Variants in ACTR3C observed in about 807,000 individuals in gnomAD.
ACTR3C encodes the protein actin-related protein 3C.
Under a neutral mutation model 26.3 loss-of-function variants are expected in ACTR3C, and 18 were observed. The ratio of observed to expected loss-of-function variants is 0.68; its 90% CI spans 0.47 to 1.01. The LOEUF (loss-of-function observed/expected upper bound fraction) is 1.01, where lower values mean the gene tolerates loss of function less well. Ranked by LOEUF, ACTR3C falls within the 50% of genes least tolerant of loss-of-function variation. The pLI is 0.00. For missense variants in ACTR3C, 184 were observed against 250.7 expected, an observed-to-expected ratio of 0.73 and a Z score of 1.80; for synonymous variants, 55 against 94.5, an observed-to-expected ratio of 0.58 and a Z score of 2.42.
chr7:150,234,834 G>T, the ACTR3C span, among the ~76,000 whole-genome samples: 2 of 152,162 alleles, frequency 1.3e-5, no homozygotes, highest in Admixed American at 6.5e-5. Context: ...GTTAAAGCCA[G>T]ATGTCTCTTA....
At chr7:149,969,966 G>C in the ACTR3C span, among the ~76,000 whole-genome samples, 1 of 152,240 alleles carries the variant, frequency 6.6e-6, no homozygotes, top group East Asian at 1.9e-4. Flanking sequence ...AAGAGCAAAA[G>C]AGACTTTGAA....
chr7:150,283,913 A>G (rs2689581), intron 6 of ACTR3C, among the ~76,000 whole-genome samples: 29,999 of 144,772 alleles, frequency 0.21, 5,078 homozygotes, highest in African/African-American at 0.47. Context: ...TCACCATCTC[A>G]GGCTGTCAGT....
the ACTR3C span, among the ~76,000 whole-genome samples, chr7:149,961,148 G>A: frequency 6.6e-6 from 1 of 152,050 alleles, no homozygotes; most frequent in East Asian, 1.9e-4. Flanking sequence ...GATAGGAAGT[G>A]TGTGCTCAGA....
At chr7:150,084,469 G>C in the ACTR3C span, among the ~76,000 whole-genome samples, 3 of 152,136 alleles carry the variant, frequency 2.0e-5, no homozygotes, top group Non-Finnish European at 4.4e-5. Flanking sequence ...TTGTGTGGCG[G>C]GGGGAGAGAG....
At chr7:150,139,570 C>G in the ACTR3C span, among the ~76,000 whole-genome samples, 4 of 152,276 alleles carry the variant, frequency 2.6e-5, no homozygotes, top group East Asian at 1.9e-4. Context: ...CTCACCTTCC[C>G]GGATCATCTC....
the ACTR3C span, among the ~76,000 whole-genome samples, chr7:149,978,137 G>A: frequency 2.5e-4 from 38 of 152,148 alleles, no homozygotes; most frequent in African/African-American, 9.2e-4. Context: ...CCCTTCAGAT[G>A]TGCTTCTCCT....
chr7:150,034,151 G>A, the ACTR3C span, among the ~76,000 whole-genome samples: 1 of 151,936 alleles, frequency 6.6e-6, no homozygotes, highest in South Asian at 2.1e-4. Context: ...ACAAAATAGG[G>A]GGCCTTTATG....
At chr7:150,248,860 A>G in intron 7 of ACTR3C, 88 bp downstream of exon 7, 1 of 438,958 alleles carries the variant, frequency 2.3e-6, no homozygotes, top group Non-Finnish European at 4.0e-6. Context: ...TCAATAAGCA[A>G]TTATGGGTTC....
At chr7:150,249,563 C>T (rs1832687137) in intron 6 of ACTR3C, among the ~76,000 whole-genome samples, 1 of 152,164 alleles carries the variant, frequency 6.6e-6, no homozygotes, top group Admixed American at 6.5e-5. Flanking sequence ...AAGCCATTCT[C>T]CTGTCTCAGC....
chr7:150,107,024 A>G, the ACTR3C span, among the ~76,000 whole-genome samples: 1 of 144,490 alleles, frequency 6.9e-6, no homozygotes, highest in Non-Finnish European at 1.5e-5. Flanking sequence ...CACACCCATT[A>G]TGATTTCTAG....
the ACTR3C span, among the ~76,000 whole-genome samples, chr7:149,897,212 A>G: frequency 6.6e-6 from 1 of 152,200 alleles, no homozygotes; most frequent in Admixed American, 6.5e-5. Flanking sequence ...CTGGTTAACC[A>G]TGGATGGTAG....
chr7:149,908,591 C>T, the ACTR3C span, among the ~76,000 whole-genome samples: 1 of 152,146 alleles, frequency 6.6e-6, no homozygotes, highest in East Asian at 1.9e-4. Context: ...GTCGACATTC[C>T]CCACTGTTCA....
At chr7:150,057,619 A>G in the ACTR3C span, among the ~76,000 whole-genome samples, 1 of 152,128 alleles carries the variant, frequency 6.6e-6, no homozygotes, top group Non-Finnish European at 1.5e-5. Context: ...TTATATCTAC[A>G]TTTTATTAAG....
the ACTR3C span, among the ~76,000 whole-genome samples, chr7:150,175,834 AAG>A: frequency 0.017 from 2,458 of 143,178 alleles, 202 homozygotes; most frequent in African/African-American, 0.067. Context: ...AAAAAAAAAA[AAG>A]AAAGAAAGGA....
chr7:149,925,003 T>C, the ACTR3C span, among the ~76,000 whole-genome samples: 2 of 152,122 alleles, frequency 1.3e-5, no homozygotes, highest in African/African-American at 4.8e-5. Flanking sequence ...GAGCATTCTG[T>C]AAAGCAGCAC....
At chr7:149,897,925 G>T in the ACTR3C span, among the ~76,000 whole-genome samples, 650 of 151,946 alleles carry the variant, frequency 4.3e-3, 11 homozygotes, top group African/African-American at 0.015. Context: ...TCTCAGAAGG[G>T]CATCTTGAGG....
At chr7:149,949,137 G>C in the ACTR3C span, among the ~76,000 whole-genome samples, 3 of 146,240 alleles carry the variant, frequency 2.1e-5, no homozygotes, top group Admixed American at 6.7e-5. Context: ...CCAACATGGT[G>C]AAACCCTTTC....
the ACTR3C span, among the ~76,000 whole-genome samples, chr7:149,898,627 G>T: frequency 2.0e-5 from 3 of 150,650 alleles, no homozygotes; most frequent in African/African-American, 7.3e-5. Context: ...AGAATTGCTT[G>T]AACCCAGGAG....
chr7:150,115,534 C>T, the ACTR3C span, among the ~76,000 whole-genome samples: 12 of 152,174 alleles, frequency 7.9e-5, no homozygotes, highest in Non-Finnish European at 5.9e-5. Flanking sequence ...TGTCCAGTCC[C>T]TCTTGATTCC....
Sources: allele counts gnomAD v4.1 joint callset (sites outside exome capture counted in the v4.1 genomes callset), GRCh38; gene constraint gnomAD v4.1.1; transcripts MANE v1.5; gene names NCBI Gene and HGNC (gene_info 2026-07-23, HGNC 2026-07-21).